RAB1A: variants seen among roughly 807,000 people sequenced by gnomAD.
RAB1A encodes the protein ras-related protein Rab-1A.
RAB1A carries 2 observed loss-of-function variants against 26.0 expected under a neutral mutation model. The observed-to-expected ratio is 0.08, with a 90% CI of 0.03 to 0.24. The LOEUF (loss-of-function observed/expected upper bound fraction) is 0.24. Among genes scored for constraint, RAB1A ranks in the 10% least tolerant of loss-of-function variants. RAB1A has a pLI of 1.00. For missense variants in RAB1A, 100 were observed against 247.0 expected (o/e 0.40, Z 3.99); for synonymous variants, 84 against 84.9 (o/e 0.99, Z 0.06).
chr2:65,101,491 G>A (rs1669425865), intron 2 of RAB1A, among the ~76,000 whole-genome samples: 2 of 152,010 alleles, frequency 1.3e-5, no homozygotes, highest in Admixed American at 1.3e-4. Context: ...ATAGTTTCCA[G>A]GTATTATTGG....
chr2:65,114,226 A>G, intron 1 of RAB1A: 1 of 362,660 alleles, frequency 2.8e-6, no homozygotes. Flanking sequence ...AACACTTTAC[A>G]AAAGAAAGCT....
chr2:65,125,223 T>C (rs1300825091), intron 1 of RAB1A, among the ~76,000 whole-genome samples: 1 of 152,088 alleles, frequency 6.6e-6, no homozygotes, highest in Admixed American at 6.6e-5. Context: ...TTATAGTTGA[T>C]CTAAGTAGAC....
intron 1 of RAB1A, among the ~76,000 whole-genome samples, chr2:65,117,913 G>A (rs190386825): frequency 1.3e-4 from 20 of 152,294 alleles, no homozygotes; most frequent in Admixed American, 3.3e-4. Context: ...TAGTAAAGCA[G>A]AAACAGCCTA....
At chr2:65,110,158 C>A (rs975151606) in intron 1 of RAB1A, among the ~76,000 whole-genome samples, 1 of 152,066 alleles carries the variant, frequency 6.6e-6, no homozygotes, top group South Asian at 2.1e-4. Context: ...GATACAGGAG[C>A]CGGTCGGGCT....
intron 2 of RAB1A, among the ~76,000 whole-genome samples, chr2:65,103,568 G>A (rs10201958): frequency 1.3e-5 from 2 of 152,022 alleles, no homozygotes; most frequent in African/African-American, 4.8e-5. Context: ...TTTTGTACCA[G>A]AGCCAATGTC....
At chr2:65,129,802 G>GC in intron 1 of RAB1A, 91 bp downstream of exon 1, 1 of 1,537,602 alleles carries the variant, frequency 6.5e-7, no homozygotes, top group Non-Finnish European at 8.8e-7. Context: ...CCCAGCCGAT[G>GC]CCCCGACTTC....
intron 1 of RAB1A, among the ~76,000 whole-genome samples, chr2:65,127,421 T>C (rs1670124226): frequency 6.6e-6 from 1 of 152,194 alleles, no homozygotes; most frequent in Non-Finnish European, 1.5e-5. Context: ...CTATATCTAC[T>C]GGTATTTGAC....
chr2:65,105,316 C>G, intron 1 of RAB1A: 1 of 183,398 alleles, frequency 5.5e-6, no homozygotes, highest in South Asian at 9.1e-5. Context: ...ACCAGCCTGA[C>G]CAACATGGTG....
chr2:65,108,666 C>T (rs1669621139), intron 1 of RAB1A, among the ~76,000 whole-genome samples: 1 of 151,288 alleles, frequency 6.6e-6, no homozygotes. Flanking sequence ...ATTAGCCAGG[C>T]ATGGTAGCGC....
At chr2:65,098,531 G>C (rs1420443819) in intron 2 of RAB1A, among the ~76,000 whole-genome samples, 1 of 88,608 alleles carries the variant, frequency 1.1e-5, no homozygotes, top group Non-Finnish European at 2.8e-5. Flanking sequence ...TCCTAATTAT[G>C]ATTTTTTTTT....
In RAB1A at chr2:65,088,930, T is replaced by C. The variant is rs1669103976; in HGVS notation, c.420+9A>G. The C allele has an allele frequency of 1.3e-6, 2 of 1,592,780 alleles. No homozygotes were observed. The highest frequency in any genetic ancestry group is 1.7e-6 in the Non-Finnish European group (2 of 1,168,704). On this transcript the variant is annotated intron_variant, in intron 5 of 5. Coordinates refer to ENST00000409784, the MANE Select transcript of RAB1A (RefSeq NM_004161.5). The stretch of plus-strand genomic sequence containing the variant: ...CAAATTCAGTATGAAAATTAAACTT[T>C]AAACATACCTTCGCTGTTGTGTAGT...
rs1669075229 is a variant in RAB1A at position 65,087,995 on chromosome 2, T to C, written c.*498A>G. On this transcript the variant is annotated 3_prime_UTR_variant, in exon 6 of 6. Transcript: ENST00000409784. ...TATATGCAGAGTATGAAGAAACTAT[T>C]AATCAGATAGTGTAATCTTTCCATT... The C allele has an allele frequency of 6.5e-6, 1 of 153,320 alleles. No homozygotes were observed. The highest frequency in any genetic ancestry group is 2.1e-4 in the South Asian group (1 of 4,856). 9.5% of individuals were successfully genotyped at this position (153,320 alleles called of 1,614,324 possible).
At chr2:65,127,922 G>A (rs2103892731) in intron 1 of RAB1A, among the ~76,000 whole-genome samples, 1 of 152,160 alleles carries the variant, frequency 6.6e-6, no homozygotes, top group East Asian at 1.9e-4. Context: ...TTTTAGTAGA[G>A]ACGGGGTTTC....
At chr2:65,095,583 T>A (rs899917045) in intron 3 of RAB1A, among the ~76,000 whole-genome samples, 8 of 147,952 alleles carry the variant, frequency 5.4e-5, no homozygotes, top group Admixed American at 5.4e-4. Context: ...AGGAGCTATG[T>A]TGACTCCTGG....
intron 1 of RAB1A, among the ~76,000 whole-genome samples, chr2:65,114,885 G>A (rs1172800168): frequency 6.6e-6 from 1 of 151,854 alleles, no homozygotes; most frequent in Non-Finnish European, 1.5e-5. Context: ...CCAGTTTAAG[G>A]ATGCAGAGCC....
intron 1 of RAB1A, among the ~76,000 whole-genome samples, chr2:65,121,509 A>G (rs963957230): frequency 6.6e-6 from 1 of 152,096 alleles, no homozygotes; most frequent in African/African-American, 2.4e-5. Flanking sequence ...AAGGAAAACT[A>G]TTTCCTACTT....
chr2:65,102,339 GTTTTAT>G (rs1010861944), intron 2 of RAB1A, among the ~76,000 whole-genome samples: 77 of 151,920 alleles, frequency 5.1e-4, no homozygotes, highest in African/African-American at 1.2e-3. Context: ...AGTACTCATG[GTTTTAT>G]TTTTAACTGT....
At chr2:65,122,702 C>T (rs1185523732) in intron 1 of RAB1A, among the ~76,000 whole-genome samples, 1 of 151,902 alleles carries the variant, frequency 6.6e-6, no homozygotes, top group Non-Finnish European at 1.5e-5. Flanking sequence ...TCTGGCCAGA[C>T]GTGGTGGCTC....
chr2:65,117,022 A>G (rs191843694), intron 1 of RAB1A, among the ~76,000 whole-genome samples: 59 of 152,302 alleles, frequency 3.9e-4, no homozygotes, highest in Admixed American at 7.2e-4. Context: ...CCATTTATAA[A>G]TAATACATAC....
Sources: allele counts gnomAD v4.1 joint callset (sites outside exome capture counted in the v4.1 genomes callset), GRCh38; gene constraint gnomAD v4.1.1; transcripts MANE v1.5; gene names NCBI Gene and HGNC (gene_info 2026-07-23, HGNC 2026-07-21).